Variants in ITPRID1 observed in about 807,000 individuals in gnomAD.
ITPRID1 encodes the protein protein ITPRID1.
A neutral mutation model predicts 95.4 loss-of-function variants in ITPRID1; 96 were observed. That is an observed-to-expected ratio of 1.01 (90% confidence interval 0.85 to 1.19). The LOEUF is 1.19. Among genes scored for constraint, ITPRID1 ranks in the 50% most tolerant of loss-of-function variants. The pLI is 0.00. For missense variants in ITPRID1, 1,339 were observed against 1,252.9 expected, an observed-to-expected ratio of 1.07 and a Z score of -1.04; for synonymous variants, 510 against 453.6, an observed-to-expected ratio of 1.12 and a Z score of -1.58.
intron 2 of ITPRID1, chr7:31,551,824 C>T (rs534985731): frequency 5.4e-6 from 2 of 367,448 alleles, no homozygotes; most frequent in South Asian, 2.0e-5. Context: ...GTTTAGGGAT[C>T]CTAGAAATGC....
At chr7:31,623,460 C>T (rs1348506317) in intron 10 of ITPRID1, among the ~76,000 whole-genome samples, 1 of 150,656 alleles carries the variant, frequency 6.6e-6, no homozygotes, top group Non-Finnish European at 1.5e-5. Context: ...ATACGCAAAT[C>T]AATAAATGTA....
rs540329325 is a variant in ITPRID1 at position 31,560,076 on chromosome 7, T to C, written c.256+5175T>C. ...AGGATGGATGATCAGGAAAGGCATC[T>C]CAAATAAGGTTACATTTCAGCAGCT... On this transcript the variant is annotated intron_variant, in intron 5 of 14. Coordinates refer to ENST00000615280, the MANE Select transcript of ITPRID1 (RefSeq NM_001257967.3). Among the ~76,000 whole-genome samples the C allele has an allele frequency of 4.1e-4, 62 of 152,250 alleles. 2 individuals carry two copies. The South Asian group carries it at 0.012, about 30-fold the overall frequency.
chr7:31,612,592 A>G (rs568000895), intron 10 of ITPRID1, among the ~76,000 whole-genome samples: 1 of 152,230 alleles, frequency 6.6e-6, no homozygotes, highest in African/African-American at 2.4e-5. Context: ...TGAAGTTCCT[A>G]CTTGAATAGC....
At position 31,589,274 on chromosome 7, in the gene ITPRID1, G is replaced by A. The variant is rs150826367; in HGVS notation, c.1228+6083G>A. On this transcript the variant is annotated intron_variant, in intron 10 of 14. Coordinates refer to ENST00000615280, the MANE Select transcript of ITPRID1 (RefSeq NM_001257967.3). ...TATCTATAGACGTTATCCAACAATC[G>A]GAAGATCAGGAAAAAGATTTGAAAA... 8.5e-5 allele frequency among the ~76,000 whole-genome samples: 13 copies of A among 152,074 alleles called. No individual in the cohort carries two copies. The East Asian group carries it at 1.7e-3, about 20-fold the overall frequency.
At chr7:31,586,816 T>G (rs1438530920) in intron 10 of ITPRID1, among the ~76,000 whole-genome samples, 1 of 151,936 alleles carries the variant, frequency 6.6e-6, no homozygotes, top group East Asian at 1.9e-4. Context: ...CGGTAGTTTC[T>G]TTTGCTGTGC....
At chr7:31,624,931 AAAC>A (rs1271586699) in intron 10 of ITPRID1, among the ~76,000 whole-genome samples, 1 of 152,222 alleles carries the variant, frequency 6.6e-6, no homozygotes, top group Non-Finnish European at 1.5e-5. Flanking sequence ...TACAAGAAAA[AAAC>A]AAACAACCCC....
Position 31,643,082 on chromosome 7 carries a change from C to A in ITPRID1, c.1712C>A (p.Thr571Asn), listed in dbSNP as rs769170193. The change falls in exon 12 of 15, where the codon ACC becomes AAC. Residue 571 changes from threonine to asparagine, a missense_variant. Physicochemically the swap from Thr to Asn is moderately conservative, Grantham distance 65. Coordinates refer to ENST00000615280, the MANE Select transcript of ITPRID1 (RefSeq NM_001257967.3). ...KYDHPLGFMV[T>N]HVTEMQDSFV... ...GATCATCCTCTGGGGTTTATGGTAA[C>A]CCACGTCACAGAAATGCAGGACAGT... The A allele has an allele frequency of 1.2e-6, 2 of 1,613,854 alleles. No homozygotes were observed. Among genetic ancestry groups the A allele is most frequent in the Non-Finnish European group, 1.7e-6 (2 of 1,179,890 alleles).
chr7:31,624,068 T>C (rs1435696162), intron 10 of ITPRID1, among the ~76,000 whole-genome samples: 1 of 150,798 alleles, frequency 6.6e-6, no homozygotes, highest in South Asian at 2.1e-4. Flanking sequence ...TTACAAGGGA[T>C]GTGAAGGACC....
intron 10 of ITPRID1, among the ~76,000 whole-genome samples, chr7:31,616,255 A>AAGTT (rs1787215136): frequency 1.3e-5 from 2 of 152,140 alleles, no homozygotes; most frequent in East Asian, 1.9e-4. Context: ...ATTTAAATGT[A>AAGTT]AGTTATTGCT....
intron 1 of ITPRID1, chr7:31,529,851 T>A (rs929460931): frequency 5.9e-6 from 9 of 1,518,204 alleles, no homozygotes; most frequent in East Asian, 2.4e-5. Context: ...ATTTGTTTTT[T>A]TTCTTTTAAT....
intron 8 of ITPRID1, among the ~76,000 whole-genome samples, 156 bp downstream of exon 8, chr7:31,574,898 T>C (rs1281634400): frequency 6.6e-6 from 1 of 152,192 alleles, no homozygotes; most frequent in South Asian, 2.1e-4. Context: ...ATCCTATATG[T>C]CCAGTGGGAG....
intron 5 of ITPRID1, among the ~76,000 whole-genome samples, chr7:31,562,434 C>A (rs1440193805): frequency 6.6e-6 from 1 of 152,066 alleles, no homozygotes; most frequent in Non-Finnish European, 1.5e-5. Context: ...TCTCCCATCC[C>A]CAGAGAGGTC....
At position 31,652,937 on chromosome 7, in the gene ITPRID1, G is replaced by T; in HGVS notation, c.*108G>T. 1 of 1,509,094 alleles carries T rather than the reference G, an allele frequency of 6.6e-7. No homozygotes were observed. The allele number at this position is 1,509,094 out of a possible 1,614,324, so 93.5% of individuals were successfully genotyped here. On this transcript the variant is annotated 3_prime_UTR_variant, in exon 15 of 15. Coordinates refer to ENST00000615280, the MANE Select transcript of ITPRID1 (RefSeq NM_001257967.3). ...AGAAGGGTCTGCCAACCCATTGTCAGCTATATCTCTCATATTCTACCCTTT... is the reference window on the plus strand; with the variant it reads ...AGAAGGGTCTGCCAACCCATTGTCATCTATATCTCTCATATTCTACCCTTT...
intron 10 of ITPRID1, among the ~76,000 whole-genome samples, chr7:31,586,724 T>A (rs1785628705): frequency 6.6e-6 from 1 of 152,146 alleles, no homozygotes; most frequent in African/African-American, 2.4e-5. Context: ...GAGTTCATTG[T>A]AGATTCTGGA....
At chr7:31,596,631 A>G (rs997494381) in intron 10 of ITPRID1, among the ~76,000 whole-genome samples, 1 of 151,744 alleles carries the variant, frequency 6.6e-6, no homozygotes, top group African/African-American at 2.4e-5. Context: ...TTTTAAAAAA[A>G]TGTGTGCATA....
At chr7:31,557,689 A>G in intron 5 of ITPRID1, among the ~76,000 whole-genome samples, 1 of 152,184 alleles carries the variant, frequency 6.6e-6, no homozygotes, top group East Asian at 1.9e-4. Flanking sequence ...TACATACATT[A>G]TCTTGCTTAC....
intron 10 of ITPRID1, among the ~76,000 whole-genome samples, chr7:31,600,893 G>T (rs1786366549): frequency 6.6e-6 from 1 of 151,910 alleles, no homozygotes; most frequent in African/African-American, 2.4e-5. Context: ...CTCTCCCTGG[G>T]GTTGCCAAGT....
At chr7:31,530,573 T>C (rs2191339) in intron 1 of ITPRID1, among the ~76,000 whole-genome samples, 151,162 of 152,328 alleles carry the variant, frequency 0.99, 75,012 homozygotes, top group East Asian at 1. Context: ...TCACATGTAA[T>C]TGCCTTTTAT....
intron 1 of ITPRID1, among the ~76,000 whole-genome samples, chr7:31,533,329 C>T (rs1783661568): frequency 6.6e-6 from 1 of 152,108 alleles, no homozygotes; most frequent in Admixed American, 6.6e-5. Context: ...ACATTGTTAA[C>T]ACCCACAGAA....
Sources: allele counts gnomAD v4.1 joint callset (sites outside exome capture counted in the v4.1 genomes callset), GRCh38; gene constraint gnomAD v4.1.1; transcripts MANE v1.5; gene names NCBI Gene and HGNC (gene_info 2026-07-23, HGNC 2026-07-21).